The following DLGAP1 variants were observed in gnomAD, a reference collection of about 807,000 sequenced individuals.
DLGAP1 encodes the protein disks large-associated protein 1.
Under a neutral mutation model 90.8 loss-of-function variants are expected in DLGAP1, and 11 were observed. The ratio of observed to expected loss-of-function variants is 0.12; its 90% confidence interval spans 0.08 to 0.20. The LOEUF is 0.20. Among genes scored for constraint, DLGAP1 ranks in the 10% least tolerant of loss-of-function variants. The pLI, the probability that DLGAP1 is intolerant of heterozygous loss-of-function variation, is 1.00. For synonymous variants in DLGAP1, 558 were observed against 540.7 expected (o/e 1.03, Z -0.44); for missense variants, 1,050 against 1,333.8 (o/e 0.79, Z 3.31).
intron 5 of DLGAP1, among the ~76,000 whole-genome samples, chr18:3,802,130 G>A (rs2066328976): frequency 6.6e-6 from 1 of 152,086 alleles, no homozygotes; most frequent in South Asian, 2.1e-4. Flanking sequence ...GACTACAGGT[G>A]TGTGCCACCA....
intron 5 of DLGAP1, among the ~76,000 whole-genome samples, chr18:3,766,034 C>T (rs1476371105): frequency 6.6e-6 from 1 of 151,750 alleles, no homozygotes. Context: ...AGCCTACATA[C>T]GTCAACTAAA....
At chr18:4,148,390 A>T (rs925110524) in intron 2 of DLGAP1, among the ~76,000 whole-genome samples, 9 of 152,324 alleles carry the variant, frequency 5.9e-5, no homozygotes, top group African/African-American at 1.9e-4. Context: ...TGAATTGGTA[A>T]ATCAGAGAAC....
At chr18:3,924,234 C>T (rs559112178) in intron 3 of DLGAP1, among the ~76,000 whole-genome samples, 69 of 152,306 alleles carry the variant, frequency 4.5e-4, no homozygotes, top group South Asian at 2.1e-3. Context: ...GTGAAAAGCC[C>T]ATTTATCATC....
chr18:3,872,700 T>C lies in DLGAP1; in HGVS notation c.957+6412A>G, dbSNP rs182341555. ...ACCATTCACAAATCACTGTGTAAAA[T>C]TGTGTAATGCCATGATCTCATGTGG... On this transcript the variant is annotated intron_variant, in intron 4 of 12. Transcript: ENST00000315677. Among the ~76,000 whole-genome samples the C allele has an allele frequency of 4.6e-5, 7 of 152,302 alleles. No individual in the cohort carries two copies. The East Asian group carries it at 1.2e-3, about 25-fold the overall frequency.
intron 1 of DLGAP1, among the ~76,000 whole-genome samples, chr18:4,203,496 T>C (rs1019981354): frequency 6.6e-6 from 1 of 152,176 alleles, no homozygotes; most frequent in Non-Finnish European, 1.5e-5. Context: ...AACACAATTT[T>C]GTTTGCCATG....
At chr18:4,001,610 A>G (rs899159661) in intron 3 of DLGAP1, among the ~76,000 whole-genome samples, 3 of 152,142 alleles carry the variant, frequency 2.0e-5, no homozygotes, top group Admixed American at 6.5e-5. Flanking sequence ...TGTATCTGCT[A>G]TCTGTTGGCT....
At position 3,801,967 on chromosome 18, in the gene DLGAP1, T is replaced by TTTTG. The variant is rs142836478; in HGVS notation, c.1172+12088_1172+12091dup. Among the ~76,000 whole-genome samples the TTTTG allele has an allele frequency of 7.5e-4, 77 of 102,764 alleles. 1 individual carries two copies. The highest frequency in any genetic ancestry group is 1.7e-3 in the African/African-American group (59 of 34,746). 67.4% of individuals were successfully genotyped at this position (102,764 alleles called of 152,430 possible). A position where few individuals can be genotyped will look rare whatever the true frequency, so the allele number is the denominator to read the frequency against. ...TCCACGCCACGCAGGCCATCTGTGT[T>TTTTG]TTTGTTTGTTTGTTTGTTTGTTTGT... On this transcript the variant is annotated intron_variant, in intron 5 of 12. Coordinates refer to ENST00000315677, the MANE Select transcript of DLGAP1 (RefSeq NM_004746.4).
chr18:3,591,973 TG>T (rs1440575213), intron 7 of DLGAP1, among the ~76,000 whole-genome samples: 1 of 152,152 alleles, frequency 6.6e-6, no homozygotes, highest in Non-Finnish European at 1.5e-5. Context: ...GCACATCTTT[TG>T]GCTGGGAGGC....
intron 2 of DLGAP1, among the ~76,000 whole-genome samples, chr18:4,036,228 T>A (rs1490054723): frequency 6.6e-6 from 1 of 152,152 alleles, no homozygotes; most frequent in African/African-American, 2.4e-5. Context: ...AATTTAAGCA[T>A]CCTTTAAAAG....
At chr18:3,593,862 A>G (rs1457621020) in intron 7 of DLGAP1, 1 of 152,204 alleles carries the variant, frequency 6.6e-6, no homozygotes, top group Non-Finnish European at 1.5e-5. Context: ...TTTGTTTCAG[A>G]GTCACAACTT....
rs76500027 is a variant in DLGAP1 at position 4,329,474 on chromosome 18, T to C, written c.-267+125532A>G. ...TTTAAAATTTTGTTTAATTACTCTGTTTTTTGCAGTCTCATGTACTTTTCA... is the reference window on the plus strand; with the variant it reads ...TTTAAAATTTTGTTTAATTACTCTGCTTTTTGCAGTCTCATGTACTTTTCA... On this transcript the variant is annotated intron_variant, in intron 1 of 12. Coordinates refer to ENST00000315677, the MANE Select transcript of DLGAP1 (RefSeq NM_004746.4). 1.9e-3 allele frequency among the ~76,000 whole-genome samples: 296 copies of C among 152,058 alleles called. 6 individuals are homozygous for C. The East Asian group carries it at 0.046, about 23-fold the overall frequency.
chr18:4,058,814 T>C (rs79247513), intron 2 of DLGAP1, among the ~76,000 whole-genome samples: 5,530 of 152,302 alleles, frequency 0.036, 326 homozygotes, highest in African/African-American at 0.12. Context: ...TCTAGATTCT[T>C]GCAGCAGCTA....
intron 2 of DLGAP1, among the ~76,000 whole-genome samples, chr18:4,035,891 T>C (rs1463153734): frequency 6.6e-6 from 1 of 152,180 alleles, no homozygotes; most frequent in Non-Finnish European, 1.5e-5. Context: ...ATAATCAGTC[T>C]AATTTTGGTG....
intron 5 of DLGAP1, among the ~76,000 whole-genome samples, chr18:3,803,101 C>T (rs1028746703): frequency 6.6e-6 from 1 of 152,036 alleles, no homozygotes; most frequent in Admixed American, 6.6e-5. Flanking sequence ...GTAAATATTT[C>T]CATCACGGCC....
intron 1 of DLGAP1, among the ~76,000 whole-genome samples, chr18:4,168,855 A>T (rs1028795933): frequency 5.3e-5 from 8 of 152,200 alleles, no homozygotes; most frequent in Non-Finnish European, 1.0e-4. Flanking sequence ...AGTAGCTGGA[A>T]CTACTGGTGT....
chr18:3,962,868 G>A (rs1024508785), intron 3 of DLGAP1, among the ~76,000 whole-genome samples: 3 of 152,080 alleles, frequency 2.0e-5, no homozygotes, highest in Non-Finnish European at 4.4e-5. Flanking sequence ...AATTGTCTTT[G>A]CTTTTTTTTC....
chr18:3,710,830 G>A (rs544988095), intron 7 of DLGAP1, among the ~76,000 whole-genome samples: 2 of 152,358 alleles, frequency 1.3e-5, no homozygotes, highest in South Asian at 2.1e-4. Flanking sequence ...CCAGGCACGG[G>A]TGTAGGGGGT....
At chr18:3,887,477 T>A (rs930582389) in intron 3 of DLGAP1, among the ~76,000 whole-genome samples, 4 of 152,044 alleles carry the variant, frequency 2.6e-5, no homozygotes, top group Non-Finnish European at 4.4e-5. Flanking sequence ...AAAGAAGCAA[T>A]GATTTCTTGC....
chr18:4,436,753 T>C (rs2083409239), intron 1 of DLGAP1, among the ~76,000 whole-genome samples: 2 of 152,224 alleles, frequency 1.3e-5, no homozygotes, highest in South Asian at 4.1e-4. Context: ...CCTTCTTGGA[T>C]TCAGCAAGAC....
Sources: gnomAD v4.1 joint callset for allele counts (sites outside exome capture counted in the v4.1 genomes callset) on GRCh38, gnomAD v4.1.1 for gene constraint, MANE v1.5 for transcripts, NCBI Gene and HGNC (gene_info 2026-07-23, HGNC 2026-07-21) for gene names.